The following SULT1A1 variants were observed in gnomAD, a reference collection of about 807,000 sequenced individuals.
SULT1A1 encodes sulfotransferase family 1A member 1.
A neutral mutation model predicts 36.8 loss-of-function variants in SULT1A1; 35 were observed. The observed-to-expected ratio is 0.95, with a 90% CI of 0.73 to 1.26. The LOEUF (loss-of-function observed/expected upper bound fraction) is 1.26. Ranked by LOEUF, SULT1A1 falls within the 50% of genes most tolerant of loss-of-function variation. The pLI, the probability that SULT1A1 is intolerant of heterozygous loss-of-function variation, is 0.00. For missense variants in SULT1A1, 309 were observed against 383.0 expected (o/e 0.81, Z 1.61); for synonymous variants, 119 against 146.0 (o/e 0.82, Z 1.33).
At chr16:28,606,561 C>T (rs1194687792) in intron 6 of SULT1A1, among the ~76,000 whole-genome samples, 200 bp downstream of exon 6, 1 of 151,860 alleles carries the variant, frequency 6.6e-6, no homozygotes, top group Non-Finnish European at 1.5e-5. Flanking sequence ...GCAGCTGACT[C>T]AGGTGCGAGA....
chr16:28,619,020 CT>C (rs1567317856), intron 2 of SULT1A1, among the ~76,000 whole-genome samples: 1 of 152,074 alleles, frequency 6.6e-6, no homozygotes, highest in Non-Finnish European at 1.5e-5. Context: ...TATTTCATTT[CT>C]TTTTTTCTTT....
rs1451566310 is a variant in SULT1A1 at position 28,605,692 on chromosome 16, T to C, written c.*129A>G. The C allele has an allele frequency of 6.7e-7, 1 of 1,494,216 alleles. No homozygotes were observed. The highest frequency in any genetic ancestry group is 2.4e-5 in the East Asian group (1 of 41,858). 92.6% of individuals were successfully genotyped at this position (1,494,216 alleles called of 1,614,324 possible). ...CCTGGGCTCAAATGATCCTCCCACC[T>C]CAGCCTCCAAATTGCTGGGATTACA... On this transcript the variant is annotated 3_prime_UTR_variant, in exon 8 of 8. Transcript: ENST00000314752.
At chr16:28,622,937 A>G (rs1443655494) in intron 1 of SULT1A1, among the ~76,000 whole-genome samples, 1 of 151,994 alleles carries the variant, frequency 6.6e-6, no homozygotes, top group Non-Finnish European at 1.5e-5. Flanking sequence ...ACTTCTCGCA[A>G]TCAAACACCC....
At chr16:28,616,672 C>T (rs1464118646) in intron 2 of SULT1A1, among the ~76,000 whole-genome samples, 1 of 152,144 alleles carries the variant, frequency 6.6e-6, no homozygotes, top group Non-Finnish European at 1.5e-5. Context: ...ATCCTCTCGC[C>T]TCACCCTCCC....
rs200013410 is a variant in SULT1A1 at position 28,607,011 on chromosome 16, T to A, written c.439A>T (p.Lys147Ter). The part of the protein sequence containing the change: ...VSYYHFYHMA[K>*]VHPEPGTWDS... Reference sequence around the variant, plus strand: ...CAGGTCCCAGGCTCAGGGTGCACCTTGGCCATGTGGTAGAAGTGGTAGTAG... The same window carrying A: ...CAGGTCCCAGGCTCAGGGTGCACCTAGGCCATGTGGTAGAAGTGGTAGTAG... Residue 147 changes from lysine (K) to a stop codon, truncating the protein, a stop_gained, in exon 5 of 8, where the codon AAG becomes TAG. Coordinates refer to ENST00000314752, the MANE Select transcript of SULT1A1 (RefSeq NM_001055.4). LOFTEE classifies it high-confidence loss of function. The A allele has an allele frequency of 6.2e-6, 10 of 1,612,426 alleles. No homozygotes were observed. In the African/African-American group the frequency reaches 9.4e-5, roughly 15 times the overall value.
At chr16:28,610,046 G>T, upstream of SULT1A1, 1 of 1,286,532 alleles carries the variant, frequency 7.8e-7, no homozygotes, top group Non-Finnish European at 1.0e-6. Context: ...GTCCACTGTG[G>T]GAGGGATCTG....
exon 1 of SULT1A1, chr16:28,623,249 G>C (rs761190544): frequency 6.5e-7 from 1 of 1,544,914 alleles, no homozygotes; most frequent in South Asian, 1.2e-5. Context: ...CCAGCCACAC[G>C]TAGTTGAAGT....
At position 28,608,364 on chromosome 16, in the gene SULT1A1, G is replaced by C. The variant is rs142537541; in HGVS notation, c.299C>G (p.Pro100Arg). Residue 100 changes from proline (P) to arginine (R), a missense_variant, in exon 4 of 8, where the codon CCG becomes CGG. Around this residue, in one of 3 missense-constraint regions of SULT1A1, gnomAD observed 219 missense variants for 215.3 expected, o/e 1.02. Coordinates refer to ENST00000314752, the MANE Select transcript of SULT1A1 (RefSeq NM_001055.4). Reference sequence around the variant, plus strand: ...GTGTGTCTTCAGGAGTCGTGGGGCCGGTGTGTCTTTCAGAGTCTCCATCCC... The same window carrying C: ...GTGTGTCTTCAGGAGTCGTGGGGCCCGTGTGTCTTTCAGAGTCTCCATCCC... ...PSGMETLKDT[P>R]APRLLKTHLP... 2 of 1,612,388 alleles carry C rather than the reference G, an allele frequency of 1.2e-6. No individual in the cohort carries two copies. Among genetic ancestry groups the C allele is most frequent in the East Asian group, 4.5e-5 (2 of 44,870 alleles).
chr16:28,609,448 T>C lies in SULT1A1; in HGVS notation c.-5+483A>G, dbSNP rs1258315654. The C allele has an allele frequency of 8.8e-6, 11 of 1,243,416 alleles. No homozygotes were observed. In the Middle Eastern group the frequency reaches 6.5e-4, roughly 74 times the overall value. 77.0% of individuals were successfully genotyped at this position (1,243,416 alleles called of 1,614,324 possible). A position where few individuals can be genotyped will look rare whatever the true frequency, so the allele number is the denominator to read the frequency against. ...CTAGGGGCCAGAGCTGCTGTGGGAATGAACAAAACTCTGATGACTCAGCAA... is the reference window on the plus strand; with the variant it reads ...CTAGGGGCCAGAGCTGCTGTGGGAACGAACAAAACTCTGATGACTCAGCAA... On this transcript the variant is annotated intron_variant, in intron 1 of 7. Transcript: ENST00000314752.
In SULT1A1 at chr16:28,608,686, G is replaced by A. The variant is rs1368005020; in HGVS notation, c.148+22C>T. 37 of 1,611,908 alleles carry A rather than the reference G, an allele frequency of 2.3e-5. 1 individual carries two copies. Among genetic ancestry groups the A allele is most frequent in the Non-Finnish European group, 3.0e-5 (35 of 1,178,418 alleles). On this transcript the variant is annotated intron_variant, in intron 2 of 7. Coordinates refer to ENST00000314752, the MANE Select transcript of SULT1A1 (RefSeq NM_001055.4). ...GGTGGGGACTGCCACCTGGGAGAGG[G>A]TGGGTGGCCCTCCTCACTTACCGGA...
At chr16:28,618,955 G>A (rs1429481078) in intron 2 of SULT1A1, among the ~76,000 whole-genome samples, 1 of 152,200 alleles carries the variant, frequency 6.6e-6, no homozygotes, top group Non-Finnish European at 1.5e-5. Flanking sequence ...ATTAATAAGA[G>A]TTAATATAAT....
chr16:28,623,370 C>A (rs561167177), exon 1 of SULT1A1: 1 of 1,478,678 alleles, frequency 6.8e-7, no homozygotes, highest in East Asian at 2.5e-5. Context: ...GAGCGAGCTA[C>A]GGCACGCTCG....
intron 2 of SULT1A1, among the ~76,000 whole-genome samples, chr16:28,618,748 C>T (rs1001468882): frequency 6.6e-6 from 1 of 152,202 alleles, no homozygotes; most frequent in Non-Finnish European, 1.5e-5. Context: ...TTCTCCTTCA[C>T]TATCAATACC....
At chr16:28,618,527 G>C (rs535017446) in intron 2 of SULT1A1, among the ~76,000 whole-genome samples, 1 of 151,608 alleles carries the variant, frequency 6.6e-6, no homozygotes, top group East Asian at 1.9e-4. Flanking sequence ...TTTATTTTTA[G>C]TGGAGACAGG....
At chr16:28,620,102 T>C in exon 2 of SULT1A1, 2 of 1,613,330 alleles carry the variant, frequency 1.2e-6, no homozygotes, top group Non-Finnish European at 1.7e-6. Flanking sequence ...GGTCCAAAAA[T>C]ATGTCATCCT....
intron 4 of SULT1A1, chr16:28,607,353 C>T: frequency 1.9e-6 from 1 of 526,154 alleles, no homozygotes; most frequent in Non-Finnish European, 3.2e-6. Flanking sequence ...CGTGATCCCA[C>T]CGCCACCAAA....
At chr16:28,606,919 C>A in intron 5 of SULT1A1, 32 bp downstream of exon 5, 2 of 1,612,470 alleles carry the variant, frequency 1.2e-6, no homozygotes, top group Non-Finnish European at 1.7e-6. Context: ...CACCCCTTAG[C>A]TCCACACTTT....
chr16:28,609,074 G>A lies in SULT1A1; in HGVS notation c.-4-215C>T, dbSNP rs572192380. The stretch of plus-strand genomic sequence containing the variant: ...CTGGCCTCACCTTTCATTCACCTGC[G>A]GAGCTGTTCAAAATCCCAGGGCCTG... On this transcript the variant is annotated intron_variant, in intron 1 of 7. Transcript: ENST00000314752. 72 of 1,449,396 alleles carry A rather than the reference G, an allele frequency of 5.0e-5. 2 individuals carry two copies. The highest frequency in any genetic ancestry group is 2.5e-4 in the Middle Eastern group (1 of 3,940). The allele number at this position is 1,449,396 out of a possible 1,614,324, so 89.8% of individuals were successfully genotyped here.
rs753526361 is a variant in SULT1A1 at position 28,623,145 on chromosome 16, G to A, written c.53C>T (p.Ser18Leu). 8.5e-6 allele frequency: 13 copies of A among 1,521,174 alleles called. No individual in the cohort carries two copies. The Admixed American group carries it at 1.8e-4, about 22-fold the overall frequency. 94.2% of individuals were successfully genotyped at this position (1,521,174 alleles called of 1,614,324 possible). A position where few individuals can be genotyped will look rare whatever the true frequency, so the allele number is the denominator to read the frequency against. ...CGGCCCCTCACCGGCGTAGAAGGCC[G>A]AGACCGCGATGGGCGCACCGACCAC... is the stretch of plus-strand genomic sequence containing the variant. The change falls in exon 1 of 6, where the codon TCG becomes TTG. Residue 18 changes from serine (S) to leucine (L), a missense_variant. Physicochemically the swap from Ser to Leu is moderately radical, Grantham distance 145 (BLOSUM62 -2). Transcript: ENST00000350842.
Sources: gnomAD v4.1 joint callset for allele counts (sites outside exome capture counted in the v4.1 genomes callset) on GRCh38, gnomAD v4.1.1 for gene constraint, gnomAD v4.1.1 regional missense constraint, MANE v1.5 for transcripts, NCBI Gene and HGNC (gene_info 2026-07-23, HGNC 2026-07-21) for gene names.